The following SSBP2 variants were observed in gnomAD, a reference collection of about 807,000 sequenced individuals.
SSBP2 encodes single stranded DNA binding protein 2.
Under a neutral mutation model 61.8 loss-of-function variants are expected in SSBP2, and 17 were observed. That is an observed-to-expected ratio of 0.28 (90% CI 0.19 to 0.41). The LOEUF is 0.41. SSBP2 is among the 10% of genes least tolerant of loss of function. The pLI is 1.00. For missense variants in SSBP2, 310 were observed against 458.7 expected, an observed-to-expected ratio of 0.68 and a Z score of 2.96; for synonymous variants, 139 against 141.3, an observed-to-expected ratio of 0.98 and a Z score of 0.12.
At chr5:81,514,484 T>C (rs954758741) in intron 4 of SSBP2, among the ~76,000 whole-genome samples, 11 of 152,060 alleles carry the variant, frequency 7.2e-5, no homozygotes, top group African/African-American at 2.4e-4. Flanking sequence ...AATACTTACA[T>C]AGGGCAGTTA....
At chr5:81,476,681 T>C (rs556690065) in intron 6 of SSBP2, among the ~76,000 whole-genome samples, 36 of 152,308 alleles carry the variant, frequency 2.4e-4, no homozygotes, top group African/African-American at 8.2e-4. Context: ...TTGATTACTT[T>C]TAGTATAAGA....
chr5:81,689,360 T>C (rs537190260), intron 1 of SSBP2, among the ~76,000 whole-genome samples: 1 of 152,204 alleles, frequency 6.6e-6, no homozygotes, highest in South Asian at 2.1e-4. Flanking sequence ...AATATTTAAG[T>C]ACAATAAAGT....
intron 4 of SSBP2, among the ~76,000 whole-genome samples, chr5:81,579,165 A>T (rs34359067): frequency 0.7 from 106,280 of 151,810 alleles, 37,439 homozygotes; most frequent in East Asian, 0.94. Flanking sequence ...TTCAAGTCAT[A>T]GAAGAATAAA....
At chr5:81,710,306 T>A (rs556235211) in intron 1 of SSBP2, among the ~76,000 whole-genome samples, 4 of 152,232 alleles carry the variant, frequency 2.6e-5, no homozygotes, top group African/African-American at 9.6e-5. Flanking sequence ...CAGTGTTTTC[T>A]GATGTTCTAT....
chr5:81,741,913 T>A (rs192818973), intron 1 of SSBP2, among the ~76,000 whole-genome samples: 1 of 152,214 alleles, frequency 6.6e-6, no homozygotes, highest in Non-Finnish European at 1.5e-5. Context: ...CTCTGTTGAA[T>A]CAAATCCACA....
At chr5:81,622,090 A>G (rs1426486098) in intron 3 of SSBP2, among the ~76,000 whole-genome samples, 1 of 148,838 alleles carries the variant, frequency 6.7e-6, no homozygotes, top group African/African-American at 2.5e-5. Context: ...CATGTACCCT[A>G]AAACTTAGAG....
Position 81,750,826 on chromosome 5 carries a change from G to T in SSBP2, c.62+155C>A, listed in dbSNP as rs532306719. On this transcript the variant is annotated intron_variant, in intron 1 of 16. Transcript: ENST00000320672. ...ACCTCCCGGGAAAGCGCAGCTCCCC[G>T]CACCACACGCCCCCATCGCGGCACC... 6.5e-4 allele frequency: 545 copies of T among 840,026 alleles called. 1 individual carries two copies. In the African/African-American group the frequency reaches 8.3e-3, roughly 13 times the overall value. The allele number at this position is 840,026 out of a possible 1,614,324, so 52.0% of individuals were successfully genotyped here.
At position 81,524,962 on chromosome 5, in the gene SSBP2, A is replaced by ATAT. The variant is rs200406413; in HGVS notation, c.283-11246_283-11245insATA. On this transcript the variant is annotated intron_variant, in intron 4 of 16. Transcript: ENST00000320672. ...AGTGAAGCTAGTTCCTATGGCAGGGAAAATATAAATACAACTGAAACCATA... is the reference window on the plus strand; with the variant it reads ...AGTGAAGCTAGTTCCTATGGCAGGGATATAAATATAAATACAACTGAAACCATA... 1.6e-3 allele frequency among the ~76,000 whole-genome samples: 249 copies of ATAT among 152,154 alleles called. 3 individuals carry two copies. The East Asian group carries it at 0.039, about 24-fold the overall frequency.
chr5:81,457,349 T>C (rs1232442354), intron 10 of SSBP2, among the ~76,000 whole-genome samples: 1 of 152,222 alleles, frequency 6.6e-6, no homozygotes, highest in Non-Finnish European at 1.5e-5. Context: ...CTGTTATAGT[T>C]AGCTAACTAA....
rs2153865070 is a variant in SSBP2 at position 81,413,140 on chromosome 5, T to TA, written c.*7363dup. 6.6e-6 allele frequency: 1 copy of TA among 152,330 alleles called. No individual in the cohort carries two copies. The highest frequency in any genetic ancestry group is 2.4e-5 in the African/African-American group (1 of 41,590). The allele number at this position is 152,330 out of a possible 1,614,324, so 9.4% of individuals were successfully genotyped here. On this transcript the variant is annotated 3_prime_UTR_variant, in exon 17 of 17. Transcript: ENST00000320672. ...GAACTGTATATGAAAAGCTGTATTT[T>TA]AAAAAATTAAATGTGAAAACGTGCC... is the stretch of plus-strand genomic sequence containing the variant.
At chr5:81,595,196 G>A (rs1253478615) in intron 4 of SSBP2, among the ~76,000 whole-genome samples, 1 of 152,162 alleles carries the variant, frequency 6.6e-6, no homozygotes, top group East Asian at 1.9e-4. Context: ...CCTACCATCA[G>A]AAAATACTAT....
chr5:81,599,514 G>A (rs1018417101), intron 4 of SSBP2, among the ~76,000 whole-genome samples: 28 of 152,350 alleles, frequency 1.8e-4, no homozygotes, highest in African/African-American at 6.3e-4. Context: ...ACAGTCCGCT[G>A]ATCCTAGAGA....
intron 4 of SSBP2, among the ~76,000 whole-genome samples, chr5:81,583,076 A>AAATT (rs1478850105): frequency 6.6e-6 from 1 of 151,894 alleles, no homozygotes; most frequent in Non-Finnish European, 1.5e-5. Flanking sequence ...ATAAAAACAA[A>AAATT]AATTAGCCAG....
intron 4 of SSBP2, among the ~76,000 whole-genome samples, chr5:81,567,395 C>T (rs1326524290): frequency 1.3e-5 from 2 of 152,166 alleles, no homozygotes; most frequent in Non-Finnish European, 2.9e-5. Context: ...TGGTGTTGAG[C>T]CTGCGGGTGC....
intron 1 of SSBP2, among the ~76,000 whole-genome samples, chr5:81,668,716 AT>A (rs1373549169): frequency 1.3e-5 from 2 of 152,086 alleles, no homozygotes; most frequent in Non-Finnish European, 2.9e-5. Context: ...AATATTAAAT[AT>A]TTTTACAAAA....
intron 8 of SSBP2, among the ~76,000 whole-genome samples, chr5:81,470,393 G>A (rs1436166275): frequency 6.6e-6 from 1 of 151,536 alleles, no homozygotes; most frequent in African/African-American, 2.4e-5. Flanking sequence ...TAAAAATAAT[G>A]TACCACCACT....
chr5:81,713,542 C>T (rs1754946677), intron 1 of SSBP2, among the ~76,000 whole-genome samples: 1 of 152,192 alleles, frequency 6.6e-6, no homozygotes, highest in Non-Finnish European at 1.5e-5. Context: ...AAGAGTCTTC[C>T]CTAGGGAATC....
rs1242449372 is a variant in SSBP2 at position 81,712,866 on chromosome 5, G to A, written c.62+38115C>T. ...TCCTACCGCAGCCTCTGGGACTACA[G>A]GTATGCGCCATCATGCCCAGCTAAT... On this transcript the variant is annotated intron_variant, in intron 1 of 16. Coordinates refer to ENST00000320672, the MANE Select transcript of SSBP2 (RefSeq NM_012446.5). 1.8e-4 allele frequency among the ~76,000 whole-genome samples: 27 copies of A among 151,654 alleles called. 1 individual carries two copies. The highest frequency in any genetic ancestry group is 1.8e-3 in the Admixed American group (27 of 15,214).
chr5:81,701,371 A>T (rs1753972141), intron 1 of SSBP2, among the ~76,000 whole-genome samples: 1 of 152,170 alleles, frequency 6.6e-6, no homozygotes, highest in Non-Finnish European at 1.5e-5. Flanking sequence ...CTCATAATAG[A>T]TATAATAATA....
Sources: allele counts gnomAD v4.1 joint callset (sites outside exome capture counted in the v4.1 genomes callset), GRCh38; gene constraint gnomAD v4.1.1; transcripts MANE v1.5; gene names NCBI Gene and HGNC (gene_info 2026-07-23, HGNC 2026-07-21).